Variants in SPATA13 observed in about 807,000 individuals in gnomAD.
SPATA13 encodes the protein spermatogenesis associated 13.
SPATA13 carries 50 observed loss-of-function variants against 104.0 expected under a neutral mutation model. That is an observed-to-expected ratio of 0.48 (90% CI 0.38 to 0.61). The LOEUF is 0.61. Among genes scored for constraint, SPATA13 ranks in the 20% least tolerant of loss-of-function variants. The pLI is 0.00. For missense variants in SPATA13, 1,524 were observed against 1,690.6 expected, an observed-to-expected ratio of 0.90 and a Z score of 1.73; for synonymous variants, 606 against 667.5, an observed-to-expected ratio of 0.91 and a Z score of 1.42.
intron 3 of SPATA13, among the ~76,000 whole-genome samples, chr13:24,152,732 A>T (rs553234943): frequency 6.6e-6 from 1 of 152,256 alleles, no homozygotes; most frequent in Middle Eastern, 3.4e-3. Flanking sequence ...CTCATTCATC[A>T]GGCTTGTGTT....
rs77697157 is a variant in SPATA13 at position 24,244,209 on chromosome 13, T to C, written c.1654-5268T>C. Among the ~76,000 whole-genome samples the C allele has an allele frequency of 8.8e-3, 1,335 of 152,310 alleles. 19 individuals are homozygous for C. Among genetic ancestry groups the C allele is most frequent in the South Asian group, 0.052 (252 of 4,824 alleles). On this transcript the variant is annotated intron_variant, in intron 2 of 12. Transcript: ENST00000382108. Reference sequence around the variant, plus strand: ...TGTGTCCAAATTTCCCTCTGCATCATAAGGACACCAGCCACTGGATTACGG... The same window carrying C: ...TGTGTCCAAATTTCCCTCTGCATCACAAGGACACCAGCCACTGGATTACGG...
chr13:24,236,049 A>G (rs1425736902), intron 2 of SPATA13, among the ~76,000 whole-genome samples: 1 of 151,986 alleles, frequency 6.6e-6, no homozygotes, highest in Non-Finnish European at 1.5e-5. Flanking sequence ...AAGTTCAAGG[A>G]CTGTCACATA....
At chr13:24,192,400 G>A (rs929326056) in intron 1 of SPATA13, among the ~76,000 whole-genome samples, 2 of 152,040 alleles carry the variant, frequency 1.3e-5, no homozygotes, top group African/African-American at 4.8e-5. Context: ...TGACTGTGAT[G>A]CCTGCTACTC....
At chr13:24,291,144 C>G (rs897654195) in intron 9 of SPATA13, among the ~76,000 whole-genome samples, 2 of 152,090 alleles carry the variant, frequency 1.3e-5, no homozygotes, top group African/African-American at 4.8e-5. Flanking sequence ...TGCATGGCGG[C>G]TTTTGTTGTA....
intron 3 of SPATA13, among the ~76,000 whole-genome samples, chr13:24,048,028 T>C (rs1050489316): frequency 6.6e-6 from 1 of 152,242 alleles, no homozygotes; most frequent in African/African-American, 2.4e-5. Context: ...CTCTCCCTGA[T>C]GCCTTTCTGT....
chr13:24,241,444 C>T (rs9580905), intron 2 of SPATA13, among the ~76,000 whole-genome samples: 54 of 152,378 alleles, frequency 3.5e-4, no homozygotes, highest in African/African-American at 1.1e-3. Flanking sequence ...CTCAGCGAAA[C>T]GCAGAGTGTT....
intron 2 of SPATA13, among the ~76,000 whole-genome samples, chr13:24,003,506 G>A (rs1876078473): frequency 6.6e-6 from 1 of 152,220 alleles, no homozygotes; most frequent in African/African-American, 2.4e-5. Flanking sequence ...TTCTTTGGAA[G>A]CATGTAAAGG....
intron 3 of SPATA13, among the ~76,000 whole-genome samples, chr13:24,059,759 G>A (rs1174696342): frequency 6.6e-6 from 1 of 152,160 alleles, no homozygotes; most frequent in African/African-American, 2.4e-5. Flanking sequence ...CTGAGACTAT[G>A]GCGTTTCCTG....
intron 4 of SPATA13, among the ~76,000 whole-genome samples, chr13:24,283,699 G>T (rs955119197): frequency 1.1e-4 from 16 of 152,240 alleles, no homozygotes; most frequent in African/African-American, 3.9e-4. Context: ...CTGTTGGGAT[G>T]TACTGGTTTT....
chr13:24,118,833 C>G (rs978747574), intron 3 of SPATA13, among the ~76,000 whole-genome samples: 1 of 152,192 alleles, frequency 6.6e-6, no homozygotes, highest in African/African-American at 2.4e-5. Flanking sequence ...GCTAACCACA[C>G]GCTGGTTCCC....
rs769437627 is a variant in SPATA13 at position 24,297,738 on chromosome 13, G to A, written c.3583+3G>A. The A allele has an allele frequency of 5.0e-6, 8 of 1,607,218 alleles. No individual in the cohort carries two copies. In the East Asian group the frequency reaches 1.8e-4, roughly 36 times the overall value. On this transcript the variant is annotated splice_donor_region_variant and intron_variant, in intron 11 of 12. Transcript: ENST00000382108. Reference sequence around the variant, plus strand: ...GGTGCAAGAGGACAAGGAGATGGGTGAGCAGCCCTTGGCTCTGCAGGCACC... The same window carrying A: ...GGTGCAAGAGGACAAGGAGATGGGTAAGCAGCCCTTGGCTCTGCAGGCACC...
At position 24,262,081 on chromosome 13, in the gene SPATA13, C is replaced by T. The variant is rs545798641; in HGVS notation, c.2164+10219C>T. ...TCAAAGAGATGGGAAGATTACACAT[C>T]AGAAAATTCCGTTTCTTGATTTAGA... On this transcript the variant is annotated intron_variant, in intron 4 of 12. Transcript: ENST00000382108. Among the ~76,000 whole-genome samples the T allele has an allele frequency of 1.2e-4, 19 of 152,274 alleles. No individual in the cohort carries two copies. The South Asian group carries it at 3.9e-3, about 32-fold the overall frequency.
Position 24,230,235 on chromosome 13 carries a change from C to G in SPATA13, c.1653+5653C>G, listed in dbSNP as rs2760368. ...CATGTACCTCACCACTCAACACCTG[C>G]TATGTGAACAGAAGGGGTTGAAACA... On this transcript the variant is annotated intron_variant, in intron 2 of 12. Transcript: ENST00000382108. Among the ~76,000 whole-genome samples the G allele has an allele frequency of 6.5e-3, 989 of 152,294 alleles. 7 individuals carry two copies. The highest frequency in any genetic ancestry group is 0.023 in the African/African-American group (946 of 41,546).
chr13:24,247,187 A>G (rs1873186099), intron 2 of SPATA13, among the ~76,000 whole-genome samples: 1 of 152,118 alleles, frequency 6.6e-6, no homozygotes, highest in South Asian at 2.1e-4. Flanking sequence ...CAGTGGAGAG[A>G]GAATTAAAGG....
At chr13:24,175,811 C>G (rs141255586) in intron 1 of SPATA13, among the ~76,000 whole-genome samples, 1 of 152,192 alleles carries the variant, frequency 6.6e-6, no homozygotes, top group South Asian at 2.1e-4. Context: ...CATTTTTCTT[C>G]TCCCACAGGA....
chr13:24,156,239 G>A (rs989595710), upstream of SPATA13, among the ~76,000 whole-genome samples: 8 of 152,108 alleles, frequency 5.3e-5, no homozygotes, highest in African/African-American at 1.9e-4. Context: ...CTAGTTTTTT[G>A]ATTTTTGAGG....
intron 3 of SPATA13, chr13:24,123,128 G>T (rs1287289113): frequency 9.7e-7 from 1 of 1,032,124 alleles, no homozygotes; most frequent in Non-Finnish European, 1.5e-6. Context: ...CATGGGTAAG[G>T]TCATCATTTT....
intron 3 of SPATA13, among the ~76,000 whole-genome samples, chr13:24,032,512 A>G (rs945094086): frequency 5.3e-5 from 8 of 152,214 alleles, no homozygotes; most frequent in African/African-American, 1.9e-4. Context: ...AGATTTCATA[A>G]GGAGTCGTTA....
intron 2 of SPATA13, among the ~76,000 whole-genome samples, chr13:23,986,258 C>T (rs994589645): frequency 2.6e-5 from 4 of 152,122 alleles, no homozygotes; most frequent in African/African-American, 9.7e-5. Flanking sequence ...TGTTATTTTT[C>T]TTGTGCAAAG....
Sources: gnomAD v4.1 joint callset for allele counts (sites outside exome capture counted in the v4.1 genomes callset) on GRCh38, gnomAD v4.1.1 for gene constraint, MANE v1.5 for transcripts, NCBI Gene and HGNC (gene_info 2026-07-23, HGNC 2026-07-21) for gene names.